CXCL17: variants seen among roughly 807,000 people sequenced by gnomAD.
CXCL17 encodes C-X-C motif chemokine 17.
Under a neutral mutation model 15.5 loss-of-function variants are expected in CXCL17, and 9 were observed. That is an observed-to-expected ratio of 0.58 (90% confidence interval 0.35 to 1.01). The LOEUF (loss-of-function observed/expected upper bound fraction) is 1.01. Among genes scored for constraint, CXCL17 ranks in the 50% least tolerant of loss-of-function variants. The probability of loss-of-function intolerance (pLI) is 0.02; values close to 1 mark genes in which losing one functional copy is unlikely to be tolerated. For synonymous variants in CXCL17, 52 were observed against 52.3 expected, an observed-to-expected ratio of 0.99 and a Z score of 0.02; for missense variants, 133 against 138.2, an observed-to-expected ratio of 0.96 and a Z score of 0.19.
At position 42,428,872 on chromosome 19, in the gene CXCL17, C is replaced by G; in HGVS notation, c.*12G>C. ...GAGAATGTTTAATTGGAAGAGTGGG[C>G]GCTCAGAGCTCCTACAAAGGCAGAG... On this transcript the variant is annotated 3_prime_UTR_variant, in exon 4 of 4. Transcript: ENST00000601181. The G allele has an allele frequency of 1.3e-6, 2 of 1,596,716 alleles. No homozygotes were observed. The highest frequency in any genetic ancestry group is 2.2e-5 in the South Asian group (2 of 90,650).
At chr19:42,432,152 T>TTG (rs1220231808) in intron 3 of CXCL17, among the ~76,000 whole-genome samples, 1 of 147,188 alleles carries the variant, frequency 6.8e-6, no homozygotes, top group Non-Finnish European at 1.5e-5. Context: ...TTTTTTTTTT[T>TTG]TTTTTTTTTT....
intron 1 of CXCL17, among the ~76,000 whole-genome samples, chr19:42,435,040 G>C (rs59397863): frequency 6.6e-6 from 1 of 151,688 alleles, no homozygotes; most frequent in African/African-American, 2.4e-5. Flanking sequence ...TTAGGCGGGC[G>C]TGGTGGCGGG....
At chr19:42,438,381 A>AAAAATAT (rs1555793041) in intron 1 of CXCL17, among the ~76,000 whole-genome samples, 49 of 63,842 alleles carry the variant, frequency 7.7e-4, no homozygotes, top group African/African-American at 2.7e-3. Flanking sequence ...AAAAAAAAAA[A>AAAAATAT]ATATATATAT....
At chr19:42,440,296 C>T (rs904998479) in intron 1 of CXCL17, among the ~76,000 whole-genome samples, 9 of 151,968 alleles carry the variant, frequency 5.9e-5, no homozygotes, top group Non-Finnish European at 1.2e-4. Context: ...ATTTCTATTT[C>T]CCTTAACCCT....
intron 3 of CXCL17, among the ~76,000 whole-genome samples, chr19:42,431,673 CATT>C (rs922381193): frequency 1.3e-5 from 2 of 149,338 alleles, no homozygotes; most frequent in Admixed American, 6.7e-5. Context: ...TGATTTATCT[CATT>C]ATTATTATTA....
At chr19:42,435,145 C>T (rs1256455590) in intron 1 of CXCL17, among the ~76,000 whole-genome samples, 2 of 150,914 alleles carry the variant, frequency 1.3e-5, no homozygotes, top group South Asian at 2.1e-4. Context: ...TACCATTGTA[C>T]TCCATCCTGG....
At position 42,430,899 on chromosome 19, in the gene CXCL17, G is replaced by A. The variant is rs1359047753; in HGVS notation, c.263-1918C>T. Among the ~76,000 whole-genome samples the A allele has an allele frequency of 4.6e-5, 7 of 151,988 alleles. No individual in the cohort carries two copies. The East Asian group carries it at 1.4e-3, about 30-fold the overall frequency. The stretch of plus-strand genomic sequence containing the variant: ...GTTGTCCAGGCTGGAGTGCAGTGGC[G>A]TGATCTTGGCTCACTGCAACCTCTG... On this transcript the variant is annotated intron_variant, in intron 3 of 3. Transcript: ENST00000601181.
rs187525805 is a variant in CXCL17, at chr19:42,432,167, C to T, written c.262+809G>A. Among the ~76,000 whole-genome samples, 35 of 92,616 alleles carry T rather than the reference C, an allele frequency of 3.8e-4. 1 individual carries two copies. The highest frequency in any genetic ancestry group is 2.0e-3 in the African/African-American group (35 of 17,880). 60.8% of individuals were successfully genotyped at this position (92,616 alleles called of 152,430 possible). A position where few individuals can be genotyped will look rare whatever the true frequency, so the allele number is the denominator to read the frequency against. The stretch of plus-strand genomic sequence containing the variant: ...TTTTTTTTTTTTTTTTTTTTTGAGG[C>T]AGAGTCTCACTCTGTCGCCCAGGCT... On this transcript the variant is annotated intron_variant, in intron 3 of 3. Coordinates refer to ENST00000601181, the MANE Select transcript of CXCL17 (RefSeq NM_198477.3).
At chr19:42,430,628 A>G (rs2040769962) in intron 3 of CXCL17, among the ~76,000 whole-genome samples, 1 of 151,656 alleles carries the variant, frequency 6.6e-6, no homozygotes, top group East Asian at 1.9e-4. Context: ...AGAAAGAAAT[A>G]GAATATTGCC....
intron 3 of CXCL17, among the ~76,000 whole-genome samples, chr19:42,430,594 CAAAAA>C (rs537870150): frequency 1.2e-5 from 1 of 85,190 alleles, no homozygotes; most frequent in Non-Finnish European, 2.6e-5. Flanking sequence ...AACTCCATCT[CAAAAA>C]AAAAAAAAAA....
intron 3 of CXCL17, 95 bp downstream of exon 3, chr19:42,432,881 A>T: frequency 1.1e-6 from 1 of 891,918 alleles, no homozygotes; most frequent in Non-Finnish European, 1.8e-6. Context: ...TCCTGGTCTT[A>T]ATTTCACCTC....
chr19:42,442,229 C>CT (rs10527944), intron 1 of CXCL17, among the ~76,000 whole-genome samples: 3,538 of 122,040 alleles, frequency 0.029, 67 homozygotes, highest in East Asian at 0.049. Context: ...CTTTTCTTTC[C>CT]TTTTTTTTTT....
At chr19:42,437,546 G>A (rs2040845632) in intron 1 of CXCL17, among the ~76,000 whole-genome samples, 1 of 152,190 alleles carries the variant, frequency 6.6e-6, no homozygotes, top group Admixed American at 6.5e-5. Flanking sequence ...TCCCTGATTT[G>A]TGAAAGGAGG....
In CXCL17 at chr19:42,442,942, T is replaced by G; in HGVS notation, c.-110A>C. The G allele has an allele frequency of 1.3e-6, 1 of 773,574 alleles. No individual in the cohort carries two copies. The allele number at this position is 773,574 out of a possible 1,614,324, so 47.9% of individuals were successfully genotyped here. On this transcript the variant is annotated 5_prime_UTR_variant, in exon 1 of 4. Coordinates refer to ENST00000601181, the MANE Select transcript of CXCL17 (RefSeq NM_198477.3). ...CAGGTCAGGATACTCAGCCTGGTGG[T>G]CTATGCTTTAGTCCCAGGCCAGCGT...
intron 1 of CXCL17, among the ~76,000 whole-genome samples, chr19:42,441,661 T>G (rs2040893399): frequency 6.6e-6 from 1 of 152,174 alleles, no homozygotes; most frequent in African/African-American, 2.4e-5. Context: ...GGAGAATGCC[T>G]CCTGATTTTA....
chr19:42,433,631 G>A (rs1399786018), intron 2 of CXCL17, 145 bp downstream of exon 2: 9 of 678,784 alleles, frequency 1.3e-5, no homozygotes, highest in Non-Finnish European at 2.3e-5. Flanking sequence ...AAGAAAGTGG[G>A]CACAGGTGCT....
Position 42,433,796 on chromosome 19 carries a change from C to A in CXCL17, c.140G>T (p.Gly47Val). The part of the protein sequence containing the change: ...QASRRWLQEG[G>V]QECECKDWFL... Reference sequence around the variant, plus strand: ...CTGACCTTTGCACTCACATTCTTGGCCGCCTTCCTGGAGCCATCTCCTAGA... The same window carrying A: ...CTGACCTTTGCACTCACATTCTTGGACGCCTTCCTGGAGCCATCTCCTAGA... The change falls in exon 2 of 4, where the codon GGC becomes GTC. Residue 47 changes from glycine to valine, a missense_variant. Transcript: ENST00000601181. 2 of 1,614,006 alleles carry A rather than the reference C, an allele frequency of 1.2e-6. No homozygotes were observed. The highest frequency in any genetic ancestry group is 1.7e-6 in the Non-Finnish European group (2 of 1,179,962).
intron 1 of CXCL17, among the ~76,000 whole-genome samples, chr19:42,437,636 C>T (rs2040846546): frequency 6.6e-6 from 1 of 152,156 alleles, no homozygotes; most frequent in South Asian, 2.1e-4. Flanking sequence ...GTGTTGAGTA[C>T]ATGATGGTTA....
intron 1 of CXCL17, among the ~76,000 whole-genome samples, chr19:42,438,361 A>G: frequency 1.0e-5 from 1 of 98,172 alleles, no homozygotes; most frequent in East Asian, 2.7e-4. Context: ...TCTCAAAAAA[A>G]AAAAAAAAAA....
Sources: allele counts gnomAD v4.1 joint callset (sites outside exome capture counted in the v4.1 genomes callset), GRCh38; gene constraint gnomAD v4.1.1; transcripts MANE v1.5; gene names NCBI Gene and HGNC (gene_info 2026-07-23, HGNC 2026-07-21).